Variants in SUGCT observed in about 807,000 individuals in gnomAD.
SUGCT encodes the protein succinyl-CoA:glutarate CoA-transferase.
Under a neutral mutation model 55.0 loss-of-function variants are expected in SUGCT, and 41 were observed. The ratio of observed to expected loss-of-function variants is 0.74; its 90% CI spans 0.58 to 0.97. The LOEUF is 0.97. SUGCT is among the 50% of genes least tolerant of loss of function. SUGCT has a pLI of 0.00. For missense variants in SUGCT, 568 were observed against 547.8 expected (o/e 1.04, Z -0.37); for synonymous variants, 187 against 200.4 (o/e 0.93, Z 0.56).
chr7:40,220,225 G>A (rs187478785), intron 6 of SUGCT, among the ~76,000 whole-genome samples: 1 of 152,152 alleles, frequency 6.6e-6, no homozygotes, highest in African/African-American at 2.4e-5. Context: ...GATGTTGAGA[G>A]GCGTACTGGT....
chr7:40,204,644 GC>G (rs1477708793), intron 6 of SUGCT, among the ~76,000 whole-genome samples: 1 of 151,882 alleles, frequency 6.6e-6, no homozygotes, highest in Non-Finnish European at 1.5e-5. Flanking sequence ...AAATCTTGGA[GC>G]CAGGCACATT....
chr7:40,879,187 G>T, the SUGCT span, among the ~76,000 whole-genome samples: 3 of 152,072 alleles, frequency 2.0e-5, no homozygotes, highest in Non-Finnish European at 4.4e-5. Context: ...TTCATGTCCT[G>T]TCATTTTTAA....
intron 6 of SUGCT, among the ~76,000 whole-genome samples, chr7:40,217,717 A>G (rs1349889113): frequency 1.3e-5 from 2 of 152,338 alleles, no homozygotes; most frequent in Admixed American, 6.5e-5. Context: ...TCAGAAAGCT[A>G]TCTGTTGTTT....
intron 13 of SUGCT, among the ~76,000 whole-genome samples, chr7:40,808,990 C>T (rs1318980937): frequency 9.2e-5 from 14 of 152,182 alleles, no homozygotes; most frequent in Non-Finnish European, 1.5e-5. Flanking sequence ...ACATTTTATA[C>T]TGTTGGGCCT....
intron 13 of SUGCT, among the ~76,000 whole-genome samples, chr7:40,753,949 T>C (rs1473827226): frequency 6.6e-6 from 1 of 152,180 alleles, no homozygotes; most frequent in African/African-American, 2.4e-5. Flanking sequence ...CTATTTCCTT[T>C]ATTATATCTG....
chr7:40,396,718 A>G (rs1435274092), intron 9 of SUGCT, among the ~76,000 whole-genome samples: 6 of 152,216 alleles, frequency 3.9e-5, no homozygotes, highest in Admixed American at 3.3e-4. Flanking sequence ...CTTTAAATTC[A>G]CATATATGTG....
chr7:40,358,706 C>T (rs1797996359), intron 9 of SUGCT, among the ~76,000 whole-genome samples: 1 of 136,072 alleles, frequency 7.3e-6, no homozygotes, highest in African/African-American at 2.9e-5. Context: ...AAGAGCAAAA[C>T]TCCATCTCAA....
chr7:40,860,304 C>G lies in SUGCT; in HGVS notation c.1154-12C>G. On this transcript the variant is annotated splice_polypyrimidine_tract_variant and intron_variant, in intron 13 of 13. Coordinates refer to ENST00000335693, the MANE Select transcript of SUGCT (RefSeq NM_001193313.2). ...CATTAACAGGCTTCCTGCTTTCCTT[C>G]TCCTTTGGCAGGCCCAGCTGTGAGA... 1 of 1,613,936 alleles carries G rather than the reference C, an allele frequency of 6.2e-7. No homozygotes were observed. The highest frequency in any genetic ancestry group is 1.3e-5 in the African/African-American group (1 of 75,062).
At chr7:40,972,352 A>G in the SUGCT span, among the ~76,000 whole-genome samples, 1 of 152,182 alleles carries the variant, frequency 6.6e-6, no homozygotes, top group Non-Finnish European at 1.5e-5. Flanking sequence ...GCCAGCTAAA[A>G]AGTAAATCTG....
intron 12 of SUGCT, among the ~76,000 whole-genome samples, chr7:40,717,967 A>G (rs1786115338): frequency 6.6e-6 from 1 of 151,612 alleles, no homozygotes; most frequent in Middle Eastern, 3.4e-3. Flanking sequence ...AAAATTATCT[A>G]TAATAGCACA....
At chr7:40,152,188 T>A (rs138356995) in intron 1 of SUGCT, among the ~76,000 whole-genome samples, 1 of 152,336 alleles carries the variant, frequency 6.6e-6, no homozygotes, top group East Asian at 1.9e-4. Context: ...GTGGATAATT[T>A]GTTAGTTTTA....
At chr7:40,358,772 T>C (rs571162777) in intron 9 of SUGCT, among the ~76,000 whole-genome samples, 4 of 149,552 alleles carry the variant, frequency 2.7e-5, no homozygotes, top group South Asian at 2.1e-4. Flanking sequence ...TCATAGAAAA[T>C]GACAGAATTT....
intron 12 of SUGCT, among the ~76,000 whole-genome samples, chr7:40,634,014 G>A (rs1303560486): frequency 3.9e-5 from 6 of 152,004 alleles, no homozygotes; most frequent in Non-Finnish European, 7.4e-5. Flanking sequence ...GCTAACTTGA[G>A]GAAATGAAAA....
chr7:40,532,323 A>G (rs1794142920), intron 12 of SUGCT, among the ~76,000 whole-genome samples: 1 of 152,208 alleles, frequency 6.6e-6, no homozygotes, highest in Non-Finnish European at 1.5e-5. Context: ...CATCAGGAAG[A>G]AAATAGTCAT....
chr7:40,898,773 A>C, the SUGCT span, among the ~76,000 whole-genome samples: 1 of 152,026 alleles, frequency 6.6e-6, no homozygotes, highest in South Asian at 2.1e-4. Context: ...AAGCCTACCA[A>C]TTCTGGACAC....
chr7:40,495,925 G>A (rs181111727), intron 11 of SUGCT, among the ~76,000 whole-genome samples: 1 of 152,030 alleles, frequency 6.6e-6, no homozygotes, highest in African/African-American at 2.4e-5. Flanking sequence ...ATCCTAACCC[G>A]ATTTCCACTA....
chr7:40,873,285 G>GA, the SUGCT span, among the ~76,000 whole-genome samples: 1 of 152,124 alleles, frequency 6.6e-6, no homozygotes, highest in Non-Finnish European at 1.5e-5. Context: ...GAATTGAATG[G>GA]AAAAAAATAT....
At position 40,459,300 on chromosome 7, in the gene SUGCT, G is replaced by T. The variant is rs868747551; in HGVS notation, c.986+102G>T. On this transcript the variant is annotated intron_variant, in intron 11 of 13. Transcript: ENST00000335693. ...TTCTTGGCTTATTTGAGATCAATTT[G>T]TAATTCTCTTCCATTTTACAAAACT... 12 of 744,438 alleles carry T rather than the reference G, an allele frequency of 1.6e-5. No individual in the cohort carries two copies. The African/African-American group carries it at 2.1e-4, about 13-fold the overall frequency. 46.1% of individuals were successfully genotyped at this position (744,438 alleles called of 1,614,324 possible). A position where few individuals can be genotyped will look rare whatever the true frequency, so the allele number is the denominator to read the frequency against.
At position 40,736,362 on chromosome 7, in the gene SUGCT, C is replaced by T. The variant is rs983977829; in HGVS notation, c.1090-13072C>T. Among the ~76,000 whole-genome samples, 6 of 149,142 alleles carry T rather than the reference C, an allele frequency of 4.0e-5. No individual in the cohort carries two copies. In the East Asian group the frequency reaches 1.2e-3, roughly 29 times the overall value. On this transcript the variant is annotated intron_variant, in intron 12 of 13. Coordinates refer to ENST00000335693, the MANE Select transcript of SUGCT (RefSeq NM_001193313.2). The stretch of plus-strand genomic sequence containing the variant: ...TGTGTATATATAAATGTATATATAA[C>T]TGCAGTTCCAGGGGAAGCTAGAGAA...
Sources: allele counts gnomAD v4.1 joint callset (sites outside exome capture counted in the v4.1 genomes callset), GRCh38; gene constraint gnomAD v4.1.1; transcripts MANE v1.5; gene names NCBI Gene and HGNC (gene_info 2026-07-23, HGNC 2026-07-21).